Variants in RANBP2 observed in about 807,000 individuals in gnomAD.
RANBP2 encodes E3 SUMO-protein ligase RanBP2.
A neutral mutation model predicts 303.6 loss-of-function variants in RANBP2; 57 were observed. The ratio of observed to expected loss-of-function variants is 0.19; its 90% CI spans 0.15 to 0.23. The LOEUF (loss-of-function observed/expected upper bound fraction) is 0.23, where lower values mean the gene tolerates loss of function less well. RANBP2 is among the 10% of genes least tolerant of loss of function. RANBP2 has a pLI of 1.00. For missense variants in RANBP2, 3,138 were observed against 3,780.8 expected, an observed-to-expected ratio of 0.83 and a Z score of 4.46; for synonymous variants, 1,167 against 1,301.5, an observed-to-expected ratio of 0.90 and a Z score of 2.23.
chr2:109,295,866 T>C, the RANBP2 span, among the ~76,000 whole-genome samples: 4 of 152,134 alleles, frequency 2.6e-5, no homozygotes, highest in Non-Finnish European at 5.9e-5. Flanking sequence ...CTGGACTCTC[T>C]CTCAGGTGTA....
the RANBP2 span, among the ~76,000 whole-genome samples, chr2:108,987,871 A>G: frequency 1.3e-5 from 2 of 152,208 alleles, no homozygotes; most frequent in Non-Finnish European, 2.9e-5. Flanking sequence ...TTAAGTGGCT[A>G]TGACTTACAA....
the RANBP2 span, among the ~76,000 whole-genome samples, chr2:109,257,089 G>C: frequency 6.6e-6 from 1 of 152,194 alleles, no homozygotes; most frequent in African/African-American, 2.4e-5. Flanking sequence ...TTCAGTGGCT[G>C]TGTCTAGGCA....
the RANBP2 span, among the ~76,000 whole-genome samples, chr2:108,858,939 A>G: frequency 6.6e-6 from 1 of 152,174 alleles, no homozygotes; most frequent in Non-Finnish European, 1.5e-5. Flanking sequence ...ACCTAGGTTG[A>G]TTCCACATCT....
the RANBP2 span, among the ~76,000 whole-genome samples, chr2:109,058,119 G>C: frequency 6.6e-6 from 1 of 152,222 alleles, no homozygotes; most frequent in Non-Finnish European, 1.5e-5. Flanking sequence ...CATCCTGCCA[G>C]TGATGCCCGT....
At chr2:109,584,054 G>A in the RANBP2 span, among the ~76,000 whole-genome samples, 1 of 152,000 alleles carries the variant, frequency 6.6e-6, no homozygotes, top group Non-Finnish European at 1.5e-5. Flanking sequence ...TCACTACCTG[G>A]GTAATTGGAT....
intron 20 of RANBP2, among the ~76,000 whole-genome samples, chr2:108,771,130 T>C (rs1677467152): frequency 6.6e-6 from 1 of 151,734 alleles, no homozygotes; most frequent in Non-Finnish European, 1.5e-5. Flanking sequence ...TAGTGTTAGC[T>C]ACCTATAGAG....
the RANBP2 span, chr2:109,545,230 G>A: frequency 2.0e-6 from 2 of 985,380 alleles, no homozygotes; most frequent in Non-Finnish European, 2.4e-6. Context: ...AATAGAACAA[G>A]GCATGATGAA....
the RANBP2 span, chr2:108,988,947 G>T: frequency 1.3e-5 from 2 of 152,240 alleles, no homozygotes; most frequent in African/African-American, 4.8e-5. Flanking sequence ...CAGAGGAAAG[G>T]ACCAGGGCTT....
the RANBP2 span, among the ~76,000 whole-genome samples, chr2:109,686,407 C>G: frequency 7.4e-3 from 1,128 of 152,234 alleles, 18 homozygotes; most frequent in African/African-American, 0.026. Context: ...CTCTGCCTCC[C>G]GGGTTCACGC....
At chr2:109,744,441 T>G in the RANBP2 span, among the ~76,000 whole-genome samples, 12 of 99,832 alleles carry the variant, frequency 1.2e-4, 2 homozygotes, top group African/African-American at 3.0e-4. Flanking sequence ...TTTTTTTTTT[T>G]GCTTGTTGAT....
chr2:109,238,498 T>TGA, the RANBP2 span, among the ~76,000 whole-genome samples: 1 of 131,438 alleles, frequency 7.6e-6, no homozygotes, highest in East Asian at 2.2e-4. Flanking sequence ...TGTGTGTGTG[T>TGA]GAGAGTGAGA....
intron 4 of RANBP2, among the ~76,000 whole-genome samples, chr2:108,734,175 C>T (rs948573651): frequency 6.6e-6 from 1 of 150,926 alleles, no homozygotes; most frequent in Non-Finnish European, 1.5e-5. Context: ...TAGTAATGGG[C>T]GGCTTGGTCT....
At chr2:109,736,655 TA>T in the RANBP2 span, among the ~76,000 whole-genome samples, 1,114 of 151,920 alleles carry the variant, frequency 7.3e-3, 18 homozygotes, top group African/African-American at 0.026. Flanking sequence ...AAATTTGTAC[TA>T]AAAAAAATCA....
rs1694047936 is a variant in RANBP2, at chr2:108,719,648, G to A, written c.42G>A (p.Ser14=). 1 of 1,607,716 alleles carries A rather than the reference G, an allele frequency of 6.2e-7. No homozygotes were observed. ...CTGACGTGGAGCGGTACATCGCCTC[G>A]GTGCAGGGCTCCACCCCGTCGCCTC... The part of the protein sequence containing the change: ...SKADVERYIA[S]VQGSTPSPRQ... Residue 14 remains serine, a synonymous_variant, in exon 1 of 29, where the codon TCG becomes TCA. Transcript: ENST00000283195.
At chr2:108,997,440 C>CAAAAAAA in the RANBP2 span, among the ~76,000 whole-genome samples, 236 of 49,806 alleles carry the variant, frequency 4.7e-3, 38 homozygotes, top group African/African-American at 0.011. Context: ...GACTCTGTCT[C>CAAAAAAA]AAAAAAAAAA....
At chr2:109,156,955 A>G in the RANBP2 span, among the ~76,000 whole-genome samples, 18 of 152,330 alleles carry the variant, frequency 1.2e-4, no homozygotes, top group Non-Finnish European at 8.8e-5. Flanking sequence ...AAGACTACCA[A>G]TAAGGTTAAT....
chr2:109,578,085 G>C, the RANBP2 span, among the ~76,000 whole-genome samples: 6 of 151,912 alleles, frequency 3.9e-5, no homozygotes, highest in Non-Finnish European at 8.8e-5. Flanking sequence ...ATGTGTAAGA[G>C]AACCACTATA....
At chr2:109,428,635 C>T in the RANBP2 span, among the ~76,000 whole-genome samples, 2,174 of 152,360 alleles carry the variant, frequency 0.014, 52 homozygotes, top group African/African-American at 0.05. Context: ...GCCCTATACA[C>T]GCTACCAGGT....
chr2:109,571,645 G>A, the RANBP2 span, among the ~76,000 whole-genome samples: 79,384 of 152,026 alleles, frequency 0.52, 21,859 homozygotes, highest in African/African-American at 0.7. Flanking sequence ...TGACTAAAAT[G>A]TAGTTTTGCA....
Sources: gnomAD v4.1 joint callset for allele counts (sites outside exome capture counted in the v4.1 genomes callset) on GRCh38, gnomAD v4.1.1 for gene constraint, MANE v1.5 for transcripts, NCBI Gene and HGNC (gene_info 2026-07-23, HGNC 2026-07-21) for gene names.